CPNE4: variants seen among roughly 807,000 people sequenced by gnomAD.
The protein encoded by CPNE4 is copine-4.
A neutral mutation model predicts 67.9 loss-of-function variants in CPNE4; 25 were observed. The observed-to-expected ratio is 0.37, with a 90% CI of 0.27 to 0.51. The LOEUF (loss-of-function observed/expected upper bound fraction) is 0.51, where lower values mean the gene tolerates loss of function less well. Among genes scored for constraint, CPNE4 ranks in the 20% least tolerant of loss-of-function variants. CPNE4 has a pLI of 0.93. For missense variants in CPNE4, 464 were observed against 690.8 expected (o/e 0.67, Z 3.68); for synonymous variants, 242 against 244.9 (o/e 0.99, Z 0.11).
At chr3:131,789,230 TAA>T (rs1365026448) in intron 2 of CPNE4, among the ~76,000 whole-genome samples, 7 of 152,138 alleles carry the variant, frequency 4.6e-5, no homozygotes, top group Non-Finnish European at 7.4e-5. Flanking sequence ...TAGAGTATAG[TAA>T]ATATGGAACT....
At chr3:131,916,528 A>G (rs1429560963) in intron 1 of CPNE4, among the ~76,000 whole-genome samples, 2 of 152,192 alleles carry the variant, frequency 1.3e-5, no homozygotes, top group Non-Finnish European at 2.9e-5. Context: ...TTTTTAATTG[A>G]CATGCTTTTG....
intron 15 of CPNE4, 55 bp from the exon 16 acceptor site, chr3:131,535,384 C>A: frequency 6.4e-7 from 1 of 1,556,654 alleles, no homozygotes; most frequent in Non-Finnish European, 8.7e-7. Flanking sequence ...GAATCAGACT[C>A]ATCCTAAAAG....
intron 2 of CPNE4, among the ~76,000 whole-genome samples, chr3:131,801,389 TACATATATATATAG>T (rs2084107469): frequency 3.0e-5 from 2 of 65,714 alleles, no homozygotes; most frequent in Non-Finnish European, 5.8e-5. Context: ...ATATATATGG[TACATATATATATAG>T]GTACATATAT....
At chr3:131,635,413 A>T (rs1485541837) in intron 7 of CPNE4, among the ~76,000 whole-genome samples, 2 of 151,450 alleles carry the variant, frequency 1.3e-5, no homozygotes, top group Non-Finnish European at 2.9e-5. Flanking sequence ...CTACTTAATC[A>T]ACATTGTGTA....
intron 2 of CPNE4, among the ~76,000 whole-genome samples, chr3:131,730,973 T>C (rs1485185352): frequency 6.6e-6 from 1 of 152,168 alleles, no homozygotes; most frequent in Non-Finnish European, 1.5e-5. Flanking sequence ...ACATCCAGAC[T>C]GGCAGCACCA....
chr3:131,611,838 G>A (rs940228647), intron 7 of CPNE4, among the ~76,000 whole-genome samples: 3 of 152,020 alleles, frequency 2.0e-5, no homozygotes, highest in African/African-American at 7.2e-5. Flanking sequence ...TGCCAGAAAT[G>A]AGAAATGCCT....
At chr3:131,928,262 C>A (rs2070951946) in intron 1 of CPNE4, among the ~76,000 whole-genome samples, 1 of 151,998 alleles carries the variant, frequency 6.6e-6, no homozygotes, top group Non-Finnish European at 1.5e-5. Flanking sequence ...TTAATGTATA[C>A]CATATCCATG....
chr3:131,731,984 G>A (rs1320583636), intron 2 of CPNE4, among the ~76,000 whole-genome samples: 1 of 152,032 alleles, frequency 6.6e-6, no homozygotes, highest in Admixed American at 6.6e-5. Flanking sequence ...GGGTGGCGGG[G>A]AACCAATGCA....
At chr3:131,886,625 G>A (rs189688201) in intron 2 of CPNE4, among the ~76,000 whole-genome samples, 19 of 152,312 alleles carry the variant, frequency 1.2e-4, no homozygotes, top group South Asian at 6.2e-4. Context: ...GCAGCTGGGA[G>A]GGAGGCTGTA....
At chr3:131,901,168 A>G (rs2088538511) in intron 2 of CPNE4, among the ~76,000 whole-genome samples, 1 of 152,132 alleles carries the variant, frequency 6.6e-6, no homozygotes, top group African/African-American at 2.4e-5. Flanking sequence ...TCTTTAGTTC[A>G]TAAGAGTCCT....
chr3:131,592,989 C>A (rs1938627329), intron 7 of CPNE4, among the ~76,000 whole-genome samples: 2 of 152,198 alleles, frequency 1.3e-5, no homozygotes, highest in African/African-American at 4.8e-5. Flanking sequence ...AAGAAATGTG[C>A]TATGCCAACT....
At chr3:131,885,121 A>T (rs1260709707) in intron 2 of CPNE4, among the ~76,000 whole-genome samples, 1 of 152,186 alleles carries the variant, frequency 6.6e-6, no homozygotes, top group Non-Finnish European at 1.5e-5. Context: ...AGACTTGTTG[A>T]ATGGCTTTGA....
chr3:131,688,907 AC>A (rs533736673), intron 5 of CPNE4, among the ~76,000 whole-genome samples: 252 of 152,236 alleles, frequency 1.7e-3, no homozygotes, highest in Non-Finnish European at 2.5e-3. Context: ...ACAATTTAGT[AC>A]CCTATTTCTT....
At chr3:131,916,100 A>C (rs186621504) in intron 1 of CPNE4, among the ~76,000 whole-genome samples, 1 of 152,304 alleles carries the variant, frequency 6.6e-6, no homozygotes, top group Non-Finnish European at 1.5e-5. Flanking sequence ...CGGCATACCA[A>C]AGGCAACTAT....
At chr3:131,791,892 G>A (rs1396661411) in intron 2 of CPNE4, among the ~76,000 whole-genome samples, 1 of 152,166 alleles carries the variant, frequency 6.6e-6, no homozygotes, top group African/African-American at 2.4e-5. Flanking sequence ...CATGTTGGTG[G>A]AGGACTCATT....
At chr3:131,801,416 G>GTGTGTATGTGTGTGTA (rs1491374448) in intron 2 of CPNE4, among the ~76,000 whole-genome samples, 24 of 29,054 alleles carry the variant, frequency 8.3e-4, no homozygotes, top group Non-Finnish European at 1.7e-3. Context: ...ACATATATAC[G>GTGTGTATGTGTGTGTA]TGTGTGTGTG....
At chr3:131,806,468 T>C (rs926084297) in intron 2 of CPNE4, among the ~76,000 whole-genome samples, 6 of 146,726 alleles carry the variant, frequency 4.1e-5, no homozygotes, top group Non-Finnish European at 1.5e-5. Flanking sequence ...GAGAATGGCA[T>C]GAACCCGGGA....
At chr3:131,827,944 CAA>C (rs1177268814) in intron 2 of CPNE4, among the ~76,000 whole-genome samples, 1 of 151,930 alleles carries the variant, frequency 6.6e-6, no homozygotes, top group African/African-American at 2.4e-5. Flanking sequence ...ATGCTCTTCA[CAA>C]AGAGCATATC....
chr3:131,654,709 C>T (rs1168329970), intron 7 of CPNE4, among the ~76,000 whole-genome samples: 1 of 152,178 alleles, frequency 6.6e-6, no homozygotes, highest in African/African-American at 2.4e-5. Flanking sequence ...TGAATTTTCA[C>T]CCTTAAATCC....
Sources: gnomAD v4.1 joint callset for allele counts (sites outside exome capture counted in the v4.1 genomes callset) on GRCh38, gnomAD v4.1.1 for gene constraint, MANE v1.5 for transcripts, NCBI Gene and HGNC (gene_info 2026-07-23, HGNC 2026-07-21) for gene names.